SAP18: variants seen among roughly 807,000 people sequenced by gnomAD.
SAP18 encodes Sin3A associated protein 18, also known as histone deacetylase complex subunit SAP18.
SAP18 carries 4 observed loss-of-function variants against 18.6 expected under a neutral mutation model. That is an observed-to-expected ratio of 0.21 (90% CI 0.11 to 0.49). The LOEUF (loss-of-function observed/expected upper bound fraction) is 0.49, where lower values mean the gene tolerates loss of function less well. Among genes scored for constraint, SAP18 ranks in the 20% least tolerant of loss-of-function variants. SAP18 has a pLI of 0.98. For synonymous variants in SAP18, 112 were observed against 82.8 expected, an observed-to-expected ratio of 1.35 and a Z score of -1.92; for missense variants, 170 against 226.4, an observed-to-expected ratio of 0.75 and a Z score of 1.60.
chr13:21,140,615 G>A (rs1218032724), exon 1 of SAP18: 3 of 1,612,120 alleles, frequency 1.9e-6, no homozygotes, highest in Non-Finnish European at 2.5e-6. Context: ...GGAAGATGGC[G>A]GTGGAGTCGC....
At chr13:21,148,974 C>A (rs1265833234) in exon 4 of SAP18, 1 of 152,120 alleles carries the variant, frequency 6.6e-6, no homozygotes, top group Non-Finnish European at 1.5e-5. Flanking sequence ...TGCTAAGAAT[C>A]AAAAGACTTG....
At chr13:21,142,373 C>T (rs754131489) in intron 2 of SAP18, among the ~76,000 whole-genome samples, 7 of 151,602 alleles carry the variant, frequency 4.6e-5, no homozygotes, top group East Asian at 2.0e-4. Context: ...GTCACCCAGG[C>T]TGGAGTGCAG....
intron 1 of SAP18, 99 bp from the exon 2 acceptor site, chr13:21,140,787 G>T (rs1595287952): frequency 6.3e-7 from 1 of 1,587,936 alleles, no homozygotes; most frequent in East Asian, 2.2e-5. Flanking sequence ...TTTGGTCTCG[G>T]GGAGGCTCGG....
At chr13:21,140,492 C>G, upstream of SAP18, 1 of 1,507,258 alleles carries the variant, frequency 6.6e-7, no homozygotes, top group Non-Finnish European at 8.9e-7. Flanking sequence ...AGGAGACGCC[C>G]CGCCCAGCCC....
intron 2 of SAP18, chr13:21,141,733 C>T (rs1869473540): frequency 6.6e-6 from 1 of 152,142 alleles, no homozygotes; most frequent in Non-Finnish European, 1.5e-5. Flanking sequence ...GTGGTGCCAT[C>T]TCGGCTCACT....
intron 2 of SAP18, among the ~76,000 whole-genome samples, chr13:21,144,016 G>T (rs1466418170): frequency 1.3e-5 from 2 of 152,216 alleles, no homozygotes; most frequent in African/African-American, 4.8e-5. Flanking sequence ...TATGGAAACA[G>T]GAGTGGAAGT....
chr13:21,141,288 TA>T, intron 2 of SAP18: 2 of 444,984 alleles, frequency 4.5e-6, no homozygotes, highest in South Asian at 4.4e-5. Context: ...GGTAGATAAA[TA>T]TGTTGTAGTA....
chr13:21,143,684 T>A (rs1054924104), intron 2 of SAP18, among the ~76,000 whole-genome samples: 2 of 152,158 alleles, frequency 1.3e-5, no homozygotes, highest in African/African-American at 4.8e-5. Context: ...AATAGAGTGA[T>A]TTTTAGGGTT....
chr13:21,147,085 G>T, intron 3 of SAP18, 101 bp from the exon 4 acceptor site: 1 of 1,448,610 alleles, frequency 6.9e-7, no homozygotes, highest in Non-Finnish European at 9.4e-7. Context: ...TTGGAAGTGT[G>T]TTATAAAATG....
intron 2 of SAP18, 113 bp downstream of exon 2, chr13:21,141,108 G>A (rs1039518638): frequency 9.7e-6 from 7 of 723,042 alleles, no homozygotes; most frequent in East Asian, 2.5e-5. Flanking sequence ...TTCTCCACTT[G>A]GGGCCTTCGG....
At chr13:21,143,094 G>T (rs74632048) in intron 2 of SAP18, among the ~76,000 whole-genome samples, 5,538 of 152,220 alleles carry the variant, frequency 0.036, 198 homozygotes, top group Non-Finnish European at 0.049. Flanking sequence ...CATTGTATGT[G>T]TGCATCACAT....
chr13:21,141,591 A>G (rs1002558773), intron 2 of SAP18: 2 of 155,742 alleles, frequency 1.3e-5, no homozygotes, highest in East Asian at 1.9e-4. Context: ...AGCGCTGCAC[A>G]TAACTCCTTG....
exon 4 of SAP18, chr13:21,147,261 C>A: frequency 1.2e-6 from 2 of 1,614,130 alleles, no homozygotes; most frequent in Non-Finnish European, 1.7e-6. Flanking sequence ...CGCAGAAGTT[C>A]CAGATAGGAG....
intron 2 of SAP18, among the ~76,000 whole-genome samples, chr13:21,142,397 G>A (rs1019331781): frequency 9.3e-5 from 14 of 151,232 alleles, no homozygotes; most frequent in African/African-American, 2.9e-4. Context: ...CGTGATCTCA[G>A]CTCACTGCAA....
chr13:21,143,209 TCAG>T (rs1462195323), intron 2 of SAP18, among the ~76,000 whole-genome samples: 1 of 152,250 alleles, frequency 6.6e-6, no homozygotes, highest in African/African-American at 2.4e-5. Context: ...GTCGCTGCTT[TCAG>T]TTCTTTTGGG....
chr13:21,146,633 G>A, intron 2 of SAP18, 172 bp from the exon 3 acceptor site: 1 of 468,820 alleles, frequency 2.1e-6, no homozygotes, highest in East Asian at 3.9e-5. Flanking sequence ...GGAGTTTTTG[G>A]AGGCAAATAG....
chr13:21,142,898 C>A (rs1471559352), intron 2 of SAP18, among the ~76,000 whole-genome samples: 1 of 152,208 alleles, frequency 6.6e-6, no homozygotes, highest in Non-Finnish European at 1.5e-5. Flanking sequence ...AATAATTTCC[C>A]ATTCCTCCCC....
intron 2 of SAP18, among the ~76,000 whole-genome samples, chr13:21,144,913 ATTCT>A (rs1869595086): frequency 6.6e-6 from 1 of 152,170 alleles, no homozygotes; most frequent in African/African-American, 2.4e-5. Context: ...AAAGGAAAAA[ATTCT>A]TTCTGGTATA....
At chr13:21,141,126 T>C (rs1051912509) in intron 2 of SAP18, 131 bp downstream of exon 2, 2 of 650,750 alleles carry the variant, frequency 3.1e-6, no homozygotes, top group Admixed American at 5.2e-5. Context: ...CGGACTCAGC[T>C]TTCAGGAAGT....
Sources: allele counts gnomAD v4.1 joint callset (sites outside exome capture counted in the v4.1 genomes callset), GRCh38; gene constraint gnomAD v4.1.1; transcripts MANE v1.5; gene names NCBI Gene and HGNC (gene_info 2026-07-23, HGNC 2026-07-21).